Variants in DMD observed in about 807,000 individuals in gnomAD.
DMD encodes mutant dystrophin.
DMD carries 63 observed loss-of-function variants against 330.1 expected under a neutral mutation model. That is an observed-to-expected ratio of 0.19 (90% CI 0.16 to 0.24). The LOEUF is 0.24. DMD is among the 10% of genes least tolerant of loss of function. The probability of loss-of-function intolerance (pLI) is 1.00; values close to 1 mark genes in which losing one functional copy is unlikely to be tolerated. For synonymous variants in DMD, 1,223 were observed against 959.8 expected, an observed-to-expected ratio of 1.27 and a Z score of -5.07; for missense variants, 3,344 against 2,684.1, an observed-to-expected ratio of 1.25 and a Z score of -5.43.
rs1409645515 is a variant in DMD at position 32,595,891 on chromosome X, G to A, written c.1483-15C>T. On this transcript the variant is annotated splice_polypyrimidine_tract_variant and intron_variant, in intron 12 of 78. Transcript: ENST00000357033. Reference sequence around the variant, plus strand: ...TCTTGAAGCACCTGAAAGATAAAATGTTTTAAAGGAAATTAAAATGATATT... The same window carrying A: ...TCTTGAAGCACCTGAAAGATAAAATATTTTAAAGGAAATTAAAATGATATT... 1 of 1,171,218 alleles carries A rather than the reference G, an allele frequency of 8.5e-7. No homozygotes were observed. Among genetic ancestry groups the A allele is most frequent in the Admixed American group, 2.2e-5 (1 of 45,832 alleles).
intron 20 of DMD, among the ~76,000 whole-genome samples, chrX:32,488,953 G>A (rs1200839651): frequency 1.8e-5 from 2 of 110,663 alleles, no homozygotes; most frequent in Admixed American, 9.7e-5. Context: ...TTGCTTAACT[G>A]TTCTCTTACC....
chrX:31,206,714 G>A (rs2044106239), intron 65 of DMD, 47 bp from the exon 66 acceptor site: 1 of 1,018,950 alleles, frequency 9.8e-7, no homozygotes. Flanking sequence ...CCCTTTCCTA[G>A]AGGGTAAACA....
chrX:31,737,795 CAT>C (rs2086986010), intron 51 of DMD, among the ~76,000 whole-genome samples: 1 of 111,840 alleles, frequency 8.9e-6, no homozygotes, highest in African/African-American at 3.2e-5. Flanking sequence ...GCAAAGACTT[CAT>C]ATCAAGTATG....
chrX:33,248,073 G>A (rs2052699412), intron 1 of DMD, among the ~76,000 whole-genome samples: 1 of 110,553 alleles, frequency 9.0e-6, no homozygotes, highest in South Asian at 3.8e-4. Flanking sequence ...ATGGAGCCTC[G>A]CTCTGTGGCC....
chrX:32,443,116 A>G (rs1345717662), intron 27 of DMD, among the ~76,000 whole-genome samples: 1 of 110,875 alleles, frequency 9.0e-6, no homozygotes, highest in Non-Finnish European at 1.9e-5. Context: ...AGTACAGTAA[A>G]CACAATGCAG....
intron 9 of DMD, among the ~76,000 whole-genome samples, chrX:32,685,130 T>C (rs1430488153): frequency 9.0e-6 from 1 of 111,015 alleles, no homozygotes; most frequent in African/African-American, 3.3e-5. Context: ...ATTAAATTAA[T>C]GGTAATACTA....
chrX:31,422,912 A>G (rs2148957451), intron 60 of DMD, among the ~76,000 whole-genome samples: 1 of 111,377 alleles, frequency 9.0e-6, no homozygotes, highest in Admixed American at 9.6e-5. Context: ...AACAATAAAC[A>G]AAGTGAGAAA....
chrX:32,065,527 C>G (rs998721591), intron 44 of DMD, among the ~76,000 whole-genome samples: 6 of 112,100 alleles, frequency 5.4e-5, no homozygotes, highest in Middle Eastern at 4.6e-3. Flanking sequence ...TAAAGTTGAA[C>G]ATTCTAATAT....
chrX:33,155,708 T>C (rs2048478466), intron 1 of DMD, among the ~76,000 whole-genome samples: 2 of 109,797 alleles, frequency 1.8e-5, no homozygotes, highest in South Asian at 7.7e-4. Context: ...TCTGTACTCC[T>C]AGCATTTTGG....
Position 33,096,436 on chromosome X carries a change from A to C in DMD, c.32-76236T>G, listed in dbSNP as rs12558088. Among the ~76,000 whole-genome samples, 5 of 108,970 alleles carry C rather than the reference A, an allele frequency of 4.6e-5. 1 individual carries two copies. In the Admixed American group the frequency reaches 5.1e-4, roughly 11 times the overall value. The allele number at this position is 108,970 out of a possible 115,157, so 94.6% of individuals were successfully genotyped here. On this transcript the variant is annotated intron_variant, in intron 1 of 78. Transcript: ENST00000357033. Reference sequence around the variant, plus strand: ...TTCTGTAAGATATATTTTTAAATCTATAAGTTAAAATGTTTCAGAGAGATA... The same window carrying C: ...TTCTGTAAGATATATTTTTAAATCTCTAAGTTAAAATGTTTCAGAGAGATA...
intron 2 of DMD, among the ~76,000 whole-genome samples, chrX:32,973,928 C>T (rs1476770501): frequency 9.0e-6 from 1 of 110,660 alleles, no homozygotes; most frequent in African/African-American, 3.3e-5. Flanking sequence ...GGCACGTCCA[C>T]TAAAAGAATG....
At chrX:31,233,173 TCTC>T (rs1213383392) in intron 63 of DMD, among the ~76,000 whole-genome samples, 3 of 111,636 alleles carry the variant, frequency 2.7e-5, no homozygotes, top group Non-Finnish European at 5.6e-5. Context: ...ACAATACTAT[TCTC>T]CTCCTTTGGC....
chrX:31,648,324 G>C (rs2080222100), intron 54 of DMD, among the ~76,000 whole-genome samples: 1 of 110,141 alleles, frequency 9.1e-6, no homozygotes, highest in African/African-American at 3.3e-5. Context: ...ACAGAAAAAT[G>C]GTAGATAAAA....
At chrX:32,528,488 A>G (rs1292391549) in intron 17 of DMD, among the ~76,000 whole-genome samples, 1 of 111,798 alleles carries the variant, frequency 8.9e-6, no homozygotes, top group African/African-American at 3.3e-5. Flanking sequence ...GTCCTGAAGT[A>G]AAAACATACT....
chrX:32,820,114 T>G (rs1327786554), intron 5 of DMD, among the ~76,000 whole-genome samples: 1 of 112,080 alleles, frequency 8.9e-6, no homozygotes, highest in African/African-American at 3.2e-5. Context: ...CCTTCTGATA[T>G]TCCTCATTGC....
At chrX:32,436,821 A>C (rs1341584099) in intron 29 of DMD, among the ~76,000 whole-genome samples, 2 of 109,788 alleles carry the variant, frequency 1.8e-5, no homozygotes, top group African/African-American at 3.3e-5. Flanking sequence ...GAGTGGCAGC[A>C]TGCACCTGTA....
At chrX:32,318,645 G>A (rs2097594249) in intron 41 of DMD, among the ~76,000 whole-genome samples, 1 of 111,140 alleles carries the variant, frequency 9.0e-6, no homozygotes, top group Non-Finnish European at 1.9e-5. Flanking sequence ...ACCAAAAAAA[G>A]GGCCTGTCCA....
At chrX:32,820,286 C>G (rs1488032640) in intron 5 of DMD, among the ~76,000 whole-genome samples, 4 of 110,350 alleles carry the variant, frequency 3.6e-5, no homozygotes, top group African/African-American at 1.3e-4. Context: ...GAACAAAATA[C>G]AAAAAATTAG....
chrX:31,808,610 T>C (rs762465985), intron 50 of DMD, among the ~76,000 whole-genome samples: 70 of 111,495 alleles, frequency 6.3e-4, no homozygotes, highest in Middle Eastern at 9.2e-3. Context: ...TTAGACAAGT[T>C]TTTCTTGTCT....
Sources: gnomAD v4.1 joint callset for allele counts (sites outside exome capture counted in the v4.1 genomes callset) on GRCh38, gnomAD v4.1.1 for gene constraint, MANE v1.5 for transcripts, NCBI Gene and HGNC (gene_info 2026-07-23, HGNC 2026-07-21) for gene names.